The following AKAP19 variants were observed in gnomAD, a reference collection of about 807,000 sequenced individuals.
The protein encoded by AKAP19 is small A-kinase anchoring protein.
At chr2:189,922,607 G>C in the AKAP19 span, among the ~76,000 whole-genome samples, 1 of 152,222 alleles carries the variant, frequency 6.6e-6, no homozygotes, top group Non-Finnish European at 1.5e-5. Context: ...AGAAAAATTT[G>C]TGTTGTCCAA....
chr2:189,911,433 A>G, the AKAP19 span, among the ~76,000 whole-genome samples: 1 of 152,100 alleles, frequency 6.6e-6, no homozygotes, highest in Non-Finnish European at 1.5e-5. Flanking sequence ...TTCAAGCCAC[A>G]GCTGTAATTT....
At chr2:189,969,287 T>G in the AKAP19 span, among the ~76,000 whole-genome samples, 3 of 152,078 alleles carry the variant, frequency 2.0e-5, no homozygotes, top group African/African-American at 7.2e-5. Context: ...GAGTTTATAG[T>G]GAGATGACTG....
chr2:189,917,500 G>A, the AKAP19 span: 1 of 638,954 alleles, frequency 1.6e-6, no homozygotes, highest in Non-Finnish European at 2.8e-6. Flanking sequence ...CTGCTTTCAG[G>A]GGCTCTTCTG....
At chr2:190,157,224 CA>C in the AKAP19 span, among the ~76,000 whole-genome samples, 1 of 152,086 alleles carries the variant, frequency 6.6e-6, no homozygotes, top group Non-Finnish European at 1.5e-5. Flanking sequence ...GAACTACATT[CA>C]AAATCTCTCT....
the AKAP19 span, among the ~76,000 whole-genome samples, chr2:190,115,615 G>C: frequency 6.6e-6 from 1 of 151,736 alleles, no homozygotes; most frequent in African/African-American, 2.4e-5. Context: ...CACCGCGCCC[G>C]GCCAAGAAGC....
the AKAP19 span, among the ~76,000 whole-genome samples, chr2:190,095,062 A>C: frequency 4.1e-4 from 62 of 152,274 alleles, no homozygotes; most frequent in African/African-American, 1.5e-3. Flanking sequence ...ATCTCTACTA[A>C]AAATACAAAA....
chr2:189,926,585 C>CTTT, the AKAP19 span, among the ~76,000 whole-genome samples: 5 of 72,408 alleles, frequency 6.9e-5, no homozygotes, highest in African/African-American at 1.5e-4. Flanking sequence ...CGCGCCCGGC[C>CTTT]TTTTTTTTTT....
the AKAP19 span, among the ~76,000 whole-genome samples, chr2:190,138,073 G>T: frequency 1.3e-5 from 2 of 152,138 alleles, no homozygotes; most frequent in African/African-American, 4.8e-5. Flanking sequence ...AGTGGTCTAG[G>T]ATTACACCCA....
chr2:190,089,550 T>C, the AKAP19 span: 3 of 152,144 alleles, frequency 2.0e-5, no homozygotes, highest in East Asian at 1.9e-4. Flanking sequence ...TACTCCTCCA[T>C]AGTTAACTTG....
At chr2:190,142,844 T>C in the AKAP19 span, among the ~76,000 whole-genome samples, 1 of 152,130 alleles carries the variant, frequency 6.6e-6, no homozygotes, top group Admixed American at 6.6e-5. Context: ...AAGGGAAAAG[T>C]ACACCCTCAA....
chr2:189,930,929 C>A, the AKAP19 span: 1 of 717,158 alleles, frequency 1.4e-6, no homozygotes, highest in Non-Finnish European at 2.5e-6. Context: ...TTAGTTCCCT[C>A]GCTAAAGCTA....
chr2:190,060,210 G>T, the AKAP19 span: 1 of 1,613,062 alleles, frequency 6.2e-7, no homozygotes, highest in African/African-American at 1.3e-5. Context: ...CCAAATACCA[G>T]TGCCTGGGTT....
the AKAP19 span, among the ~76,000 whole-genome samples, chr2:190,051,822 TTTTATTTATTTA>T: frequency 4.0e-5 from 6 of 149,548 alleles, no homozygotes; most frequent in Admixed American, 6.7e-5. Context: ...TTTTTTTATT[TTTTATTTATTTA>T]TTTATTTATT....
At chr2:190,141,626 A>G in the AKAP19 span, among the ~76,000 whole-genome samples, 5 of 151,984 alleles carry the variant, frequency 3.3e-5, no homozygotes, top group African/African-American at 7.3e-5. Flanking sequence ...GGGGGTAACC[A>G]CCCCCATGAT....
chr2:189,944,441 T>C, the AKAP19 span, among the ~76,000 whole-genome samples: 2 of 152,136 alleles, frequency 1.3e-5, no homozygotes, highest in Non-Finnish European at 2.9e-5. Flanking sequence ...CTATAAAGCC[T>C]ACAGAGCTGT....
chr2:189,926,476 C>T, the AKAP19 span, among the ~76,000 whole-genome samples: 1 of 151,258 alleles, frequency 6.6e-6, no homozygotes, highest in Non-Finnish European at 1.5e-5. Context: ...TTAGTAGAGA[C>T]GGGGTTTCAC....
the AKAP19 span, among the ~76,000 whole-genome samples, chr2:190,186,303 C>G: frequency 6.6e-6 from 1 of 152,194 alleles, no homozygotes; most frequent in African/African-American, 2.4e-5. The surrounding 1 kb of genome is among the most constrained non-coding windows in gnomAD (Gnocchi z 5.5). Flanking sequence ...CAGATAAAAT[C>G]ATACCATACC....
At chr2:189,951,824 C>T in the AKAP19 span, among the ~76,000 whole-genome samples, 12,530 of 152,136 alleles carry the variant, frequency 0.082, 1,477 homozygotes, top group African/African-American at 0.25. Context: ...TGAAGGCACT[C>T]GAGAAATAGC....
the AKAP19 span, among the ~76,000 whole-genome samples, chr2:190,149,241 G>A: frequency 6.6e-6 from 1 of 152,020 alleles, no homozygotes; most frequent in Admixed American, 6.5e-5. Context: ...GGGATTACAG[G>A]CAAGAGCCAC....
Sources: gnomAD v4.1 joint callset for allele counts (sites outside exome capture counted in the v4.1 genomes callset) on GRCh38, gnomAD v4.1.1 for gene constraint, Gnocchi (gnomAD v3.1) non-coding constraint, MANE v1.5 for transcripts, NCBI Gene and HGNC (gene_info 2026-07-23, HGNC 2026-07-21) for gene names.